ATP8A2: variants seen among roughly 807,000 people sequenced by gnomAD.
ATP8A2 encodes ATPase phospholipid transporting 8A2.
In ATP8A2, 100 loss-of-function variants were observed where a neutral mutation model predicts 165.6. That is an observed-to-expected ratio of 0.60 (90% CI 0.51 to 0.71). ATP8A2 has a LOEUF of 0.71. Ranked by LOEUF, ATP8A2 falls within the 30% of genes least tolerant of loss-of-function variation. The pLI is 0.00. For synonymous variants in ATP8A2, 543 were observed against 548.8 expected (o/e 0.99, Z 0.15); for missense variants, 1,227 against 1,479.5 (o/e 0.83, Z 2.80).
At chr13:25,837,422 ACCACACACAC>A in intron 29 of ATP8A2, 137 bp downstream of exon 29, 1 of 400,168 alleles carries the variant, frequency 2.5e-6, no homozygotes. Context: ...TCACCCCACC[ACCACACACAC>A]ACACACACAC....
In ATP8A2 at chr13:25,589,642, C is replaced by G. The variant is rs2040015914; in HGVS notation, c.2154C>G (p.Ser718=). The G allele has an allele frequency of 1.2e-6, 2 of 1,611,092 alleles. No individual in the cohort carries two copies. The highest frequency in any genetic ancestry group is 3.3e-5 in the Admixed American group (2 of 59,908). ...KQETAINIGY[S]CRLVSQNMAL... ...TCTCTTCCTCCACTTCAGGGTATTC[C>G]TGCCGATTGGTATCGCAGAATATGG... The change falls in exon 24 of 37, where the codon TCC becomes TCG. Residue 718 remains serine, a synonymous_variant. Transcript: ENST00000381655.
chr13:25,869,729 G>A (rs1022964714), intron 33 of ATP8A2, among the ~76,000 whole-genome samples: 2 of 152,148 alleles, frequency 1.3e-5, no homozygotes, highest in Non-Finnish European at 1.5e-5. Context: ...GGAGTGGCTC[G>A]CTTCTTCAGC....
At chr13:25,377,225 A>G (rs2032663123) in intron 1 of ATP8A2, among the ~76,000 whole-genome samples, 1 of 152,262 alleles carries the variant, frequency 6.6e-6, no homozygotes, top group African/African-American at 2.4e-5. Context: ...TTTACTAAAT[A>G]TAACTTCTGG....
At chr13:25,522,682 C>A (rs1473914868) in intron 2 of ATP8A2, among the ~76,000 whole-genome samples, 1 of 152,182 alleles carries the variant, frequency 6.6e-6, no homozygotes, top group Admixed American at 6.5e-5. Flanking sequence ...GGTTTTTGTT[C>A]TTGGTTCTGT....
chr13:25,952,382 T>G (rs1955391204), intron 33 of ATP8A2, among the ~76,000 whole-genome samples: 1 of 73,346 alleles, frequency 1.4e-5, no homozygotes, highest in Non-Finnish European at 3.1e-5. Context: ...TTTCTTTTTC[T>G]TCTTTTTTTT....
intron 27 of ATP8A2, among the ~76,000 whole-genome samples, chr13:25,826,684 C>A (rs995028976): frequency 6.6e-6 from 1 of 152,192 alleles, no homozygotes; most frequent in African/African-American, 2.4e-5. Context: ...ACACAGATAA[C>A]GTTGATTCTA....
intron 30 of ATP8A2, among the ~76,000 whole-genome samples, chr13:25,843,134 A>G (rs1289592058): frequency 2.0e-5 from 3 of 152,180 alleles, no homozygotes; most frequent in Non-Finnish European, 1.5e-5. Context: ...CCCTCTTGAA[A>G]GAGGAGTAGG....
intron 24 of ATP8A2, among the ~76,000 whole-genome samples, chr13:25,594,448 T>G (rs2040178384): frequency 1.3e-5 from 2 of 152,072 alleles, no homozygotes; most frequent in Non-Finnish European, 2.9e-5. Context: ...TTCTATAGGT[T>G]ATTAGTGAAC....
intron 24 of ATP8A2, among the ~76,000 whole-genome samples, chr13:25,613,603 C>G (rs769534967): frequency 2.0e-5 from 3 of 151,964 alleles, no homozygotes; most frequent in Non-Finnish European, 4.4e-5. Flanking sequence ...CAAACAAACA[C>G]AAAAAAAGAA....
chr13:25,525,470 A>T (rs952085247), intron 2 of ATP8A2, among the ~76,000 whole-genome samples: 2 of 152,138 alleles, frequency 1.3e-5, no homozygotes, highest in African/African-American at 4.8e-5. Context: ...AAGCTCCTTT[A>T]GTATTTCTTG....
intron 24 of ATP8A2, among the ~76,000 whole-genome samples, chr13:25,670,522 T>C (rs1386066473): frequency 1.3e-5 from 2 of 152,300 alleles, no homozygotes; most frequent in East Asian, 3.9e-4. Flanking sequence ...AAAATGATTA[T>C]TTCAGTTTAG....
At position 25,372,537 on chromosome 13, in the gene ATP8A2, C is replaced by T. The variant is rs1316118139; in HGVS notation, c.76+249C>T. 2.6e-5 allele frequency among the ~76,000 whole-genome samples: 4 copies of T among 152,148 alleles called. No homozygotes were observed. The highest frequency in any genetic ancestry group is 5.9e-5 in the Non-Finnish European group (4 of 68,008). On this transcript the variant is annotated intron_variant, in intron 1 of 36. Transcript: ENST00000381655. The surrounding 1 kb of genome is among the most constrained non-coding windows in gnomAD (Gnocchi z 4.8). The stretch of plus-strand genomic sequence containing the variant: ...CGGCGGGCGTCAGAGACCCCCGGCT[C>T]GTCCCTGTACAGATGTGTGTGTGTG...
intron 25 of ATP8A2, among the ~76,000 whole-genome samples, chr13:25,742,642 C>A (rs188415553): frequency 2.0e-5 from 3 of 151,574 alleles, no homozygotes; most frequent in Admixed American, 1.3e-4. Context: ...CCCCCACACA[C>A]CCCACTCCAC....
intron 27 of ATP8A2, among the ~76,000 whole-genome samples, chr13:25,781,427 G>A (rs1299481312): frequency 6.6e-6 from 1 of 151,994 alleles, no homozygotes; most frequent in Non-Finnish European, 1.5e-5. Context: ...GGACCTGTGA[G>A]AGATTTTGTT....
At position 25,535,605 on chromosome 13, in the gene ATP8A2, G is replaced by T. The variant is rs545517890; in HGVS notation, c.507+2292G>T. 2.0e-5 allele frequency among the ~76,000 whole-genome samples: 3 copies of T among 152,228 alleles called. No individual in the cohort carries two copies. The East Asian group carries it at 5.8e-4, about 29-fold the overall frequency. ...GAGGCAGCTGGATCACTTTAGCTCA[G>T]GAGCTCAAGATCAGCCTGGGCAACA... On this transcript the variant is annotated intron_variant, in intron 6 of 36. Transcript: ENST00000381655.
At chr13:25,419,225 G>A (rs1427932165) in intron 1 of ATP8A2, among the ~76,000 whole-genome samples, 1 of 152,116 alleles carries the variant, frequency 6.6e-6, no homozygotes, top group Non-Finnish European at 1.5e-5. Flanking sequence ...TCTAGTCTTG[G>A]TCAGTGACTT....
At chr13:25,798,564 C>T (rs955304719) in intron 27 of ATP8A2, among the ~76,000 whole-genome samples, 1 of 152,062 alleles carries the variant, frequency 6.6e-6, no homozygotes, top group African/African-American at 2.4e-5. Flanking sequence ...CTATTGCAAA[C>T]AATTTTAAAT....
intron 35 of ATP8A2, among the ~76,000 whole-genome samples, chr13:26,004,073 G>A (rs1003298153): frequency 2.0e-5 from 3 of 152,080 alleles, no homozygotes. Context: ...TTGCCATTTT[G>A]ATAGGGATTG....
At chr13:25,889,126 G>T (rs578110491) in intron 33 of ATP8A2, among the ~76,000 whole-genome samples, 3 of 151,450 alleles carry the variant, frequency 2.0e-5, no homozygotes, top group Admixed American at 6.6e-5. Context: ...TCTTCAGACA[G>T]TAATTTATTT....
Sources: gnomAD v4.1 joint callset for allele counts (sites outside exome capture counted in the v4.1 genomes callset) on GRCh38, gnomAD v4.1.1 for gene constraint, Gnocchi (gnomAD v3.1) non-coding constraint, MANE v1.5 for transcripts, NCBI Gene and HGNC (gene_info 2026-07-23, HGNC 2026-07-21) for gene names.